The following FGD1 variants were observed in gnomAD, a reference collection of about 807,000 sequenced individuals.
FGD1 encodes FYVE, RhoGEF and PH domain containing 1.
A neutral mutation model predicts 65.0 loss-of-function variants in FGD1; 12 were observed. The observed-to-expected ratio is 0.18, with a 90% CI of 0.12 to 0.30. The LOEUF is 0.30. FGD1 is among the 10% of genes least tolerant of loss of function. The pLI, the probability that FGD1 is intolerant of heterozygous loss-of-function variation, is 1.00. For missense variants in FGD1, 542 were observed against 837.6 expected (o/e 0.65, Z 4.36); for synonymous variants, 333 against 343.9 (o/e 0.97, Z 0.35).
chrX:54,471,026 A>C (rs1047475206), intron 2 of FGD1, among the ~76,000 whole-genome samples: 1 of 104,606 alleles, frequency 9.6e-6, no homozygotes, highest in African/African-American at 3.7e-5. Context: ...AAAAAAAAAA[A>C]GCTGGATTTG....
intron 1 of FGD1, among the ~76,000 whole-genome samples, chrX:54,483,150 C>A (rs983819379): frequency 9.0e-6 from 1 of 111,696 alleles, no homozygotes; most frequent in African/African-American, 3.3e-5. Context: ...AAACAGAGAT[C>A]CCTGAGGGAA....
At chrX:54,494,402 CTTTTTTTTTT>C (rs56235590) in intron 1 of FGD1, among the ~76,000 whole-genome samples, 2 of 60,741 alleles carry the variant, frequency 3.3e-5, no homozygotes, top group Admixed American at 2.3e-4. Flanking sequence ...CACCGTCTTT[CTTTTTTTTTT>C]TTTTTTTTTT....
In FGD1 at chrX:54,470,085, G is replaced by C; in HGVS notation, c.1032C>G (p.Asp344Glu). 1 of 1,209,626 alleles carries C rather than the reference G, an allele frequency of 8.3e-7. No homozygotes were observed. The highest frequency in any genetic ancestry group is 2.3e-4 in the Middle Eastern group (1 of 4,349). Residue 344 changes from aspartate to glutamate, a missense_variant, in exon 4 of 18, where the codon GAC (aspartate) becomes GAG (glutamate). Coordinates refer to ENST00000375135, the MANE Select transcript of FGD1 (RefSeq NM_004463.3). ...EVDSDLEEEDDEEEEEEKDRE... is the reference protein window; with the variant it reads ...EVDSDLEEEDEEEEEEEKDRE... Reference sequence around the variant, plus strand: ...TGTCCTTCTCTTCCTCCTCCTCCTCGTCGTCCTCCTCCTCCAGGTCACTGT... The same window carrying C: ...TGTCCTTCTCTTCCTCCTCCTCCTCCTCGTCCTCCTCCTCCAGGTCACTGT...
chrX:54,457,811 A>G (rs1334838837), intron 8 of FGD1, among the ~76,000 whole-genome samples: 2 of 106,833 alleles, frequency 1.9e-5, no homozygotes, highest in East Asian at 2.9e-4. Flanking sequence ...ACCAGGTATC[A>G]TCAAAAAAAA....
intron 1 of FGD1, among the ~76,000 whole-genome samples, chrX:54,476,053 G>A (rs909657418): frequency 1.5e-4 from 17 of 111,406 alleles, no homozygotes; most frequent in Non-Finnish European, 2.6e-4. Flanking sequence ...CAACAAGAGC[G>A]AAACTCTGTC....
chrX:54,464,593 T>G (rs1362162992), intron 8 of FGD1, among the ~76,000 whole-genome samples: 1 of 111,078 alleles, frequency 9.0e-6, no homozygotes, highest in Non-Finnish European at 1.9e-5. Context: ...GCTGTTAAAC[T>G]AATGAATGAA....
At chrX:54,448,690 G>T in intron 16 of FGD1, 116 bp downstream of exon 16, 1 of 738,465 alleles carries the variant, frequency 1.4e-6, no homozygotes, top group Non-Finnish European at 2.0e-6. Flanking sequence ...TTCACTCCAA[G>T]CCTGGGTCCC....
intron 8 of FGD1, among the ~76,000 whole-genome samples, chrX:54,459,748 G>A (rs1601951617): frequency 1.8e-5 from 2 of 110,276 alleles, no homozygotes; most frequent in Non-Finnish European, 3.8e-5. Flanking sequence ...GTTGTTTCTG[G>A]GGACAAAGTT....
chrX:54,447,528 C>T, intron 16 of FGD1, 74 bp from the exon 17 acceptor site: 1 of 1,045,183 alleles, frequency 9.6e-7, no homozygotes. Flanking sequence ...AATACCTCCT[C>T]AGTGTAGGGA....
At chrX:54,451,291 CT>C (rs1175563386) in intron 12 of FGD1, among the ~76,000 whole-genome samples, 22 of 102,264 alleles carry the variant, frequency 2.2e-4, no homozygotes, top group Admixed American at 3.2e-4. Context: ...TGACTGTATT[CT>C]TTTTTTTTTT....
chrX:54,469,984 G>C, intron 4 of FGD1, 32 bp downstream of exon 4: 2 of 1,180,045 alleles, frequency 1.7e-6, no homozygotes, highest in Non-Finnish European at 2.3e-6. Context: ...TTCTCCACAT[G>C]GACCTGCCTC....
intron 1 of FGD1, among the ~76,000 whole-genome samples, chrX:54,474,011 A>G (rs1250722123): frequency 1.8e-5 from 2 of 110,566 alleles, no homozygotes; most frequent in East Asian, 5.7e-4. Flanking sequence ...ATACAGGAAG[A>G]TACACATAGT....
At chrX:54,467,501 C>T (rs935803040) in intron 6 of FGD1, among the ~76,000 whole-genome samples, 2 of 110,089 alleles carry the variant, frequency 1.8e-5, no homozygotes, top group African/African-American at 3.3e-5. Flanking sequence ...ACTACAGGCG[C>T]GTGCCATCAC....
At chrX:54,446,592 A>C (rs1266536733) in intron 17 of FGD1, among the ~76,000 whole-genome samples, 178 bp from the exon 18 acceptor site, 2 of 111,013 alleles carry the variant, frequency 1.8e-5, no homozygotes, top group African/African-American at 6.6e-5. Context: ...TGGGGCTAAA[A>C]TGCAGGCTGG....
chrX:54,459,839 G>A (rs915479942), intron 8 of FGD1, among the ~76,000 whole-genome samples: 1 of 110,540 alleles, frequency 9.0e-6, no homozygotes, highest in Admixed American at 9.8e-5. Context: ...AAGCTGTGAG[G>A]TTCATCCTGG....
intron 1 of FGD1, among the ~76,000 whole-genome samples, chrX:54,493,864 C>T (rs778615480): frequency 6.2e-5 from 7 of 112,579 alleles, no homozygotes; most frequent in African/African-American, 1.9e-4. Context: ...TTATACTTCA[C>T]TACTGCTACC....
intron 1 of FGD1, among the ~76,000 whole-genome samples, chrX:54,475,861 G>A (rs1326611269): frequency 8.9e-6 from 1 of 112,053 alleles, no homozygotes; most frequent in Non-Finnish European, 1.9e-5. Context: ...GAGGTTGGGA[G>A]TTCGAGACCA....
At chrX:54,461,516 G>A (rs1474172939) in intron 8 of FGD1, among the ~76,000 whole-genome samples, 2 of 99,775 alleles carry the variant, frequency 2.0e-5, no homozygotes, top group Middle Eastern at 4.6e-3. Flanking sequence ...CTGCAGAATC[G>A]CTAGAACCAG....
At chrX:54,487,229 T>C (rs1444907084) in intron 1 of FGD1, among the ~76,000 whole-genome samples, 2 of 110,543 alleles carry the variant, frequency 1.8e-5, no homozygotes, top group Non-Finnish European at 1.9e-5. Context: ...CTTTAAAAAC[T>C]GCTTTCCCCT....
Sources: gnomAD v4.1 joint callset for allele counts (sites outside exome capture counted in the v4.1 genomes callset) on GRCh38, gnomAD v4.1.1 for gene constraint, MANE v1.5 for transcripts, NCBI Gene and HGNC (gene_info 2026-07-23, HGNC 2026-07-21) for gene names.